MDGA2: variants seen among roughly 807,000 people sequenced by gnomAD.
MDGA2 encodes MAM domain-containing glycosylphosphatidylinositol anchor protein 2.
Under a neutral mutation model 117.8 loss-of-function variants are expected in MDGA2, and 40 were observed. The ratio of observed to expected loss-of-function variants is 0.34; its 90% CI spans 0.26 to 0.44. The LOEUF (loss-of-function observed/expected upper bound fraction) is 0.44. Among genes scored for constraint, MDGA2 ranks in the 20% least tolerant of loss-of-function variants. The pLI, the probability that MDGA2 is intolerant of heterozygous loss-of-function variation, is 1.00. For missense variants in MDGA2, 1,123 were observed against 1,250.6 expected (o/e 0.90, Z 1.54); for synonymous variants, 452 against 439.0 (o/e 1.03, Z -0.37).
intron 1 of MDGA2, among the ~76,000 whole-genome samples, chr14:47,649,385 T>C (rs573712543): frequency 4.3e-4 from 65 of 152,348 alleles, no homozygotes; most frequent in Non-Finnish European, 8.1e-4. Context: ...AAGTGCTTTA[T>C]GTATAAATGG....
At chr14:47,474,472 A>G (rs1029659496) in intron 1 of MDGA2, among the ~76,000 whole-genome samples, 23 of 150,650 alleles carry the variant, frequency 1.5e-4, no homozygotes, top group Admixed American at 1.4e-3. Context: ...CCAGAATTAG[A>G]AAAAAAAAGC....
chr14:47,044,510 A>G (rs764276096), intron 7 of MDGA2, among the ~76,000 whole-genome samples: 49 of 152,122 alleles, frequency 3.2e-4, no homozygotes, highest in Non-Finnish European at 4.0e-4. Flanking sequence ...CCTGTGTGTA[A>G]ATGTTTCCTA....
chr14:47,398,849 T>C (rs1892072570), intron 1 of MDGA2, among the ~76,000 whole-genome samples: 1 of 152,196 alleles, frequency 6.6e-6, no homozygotes, highest in Non-Finnish European at 1.5e-5. Context: ...AGATACAATT[T>C]AGTATTTAAC....
chr14:46,855,095 A>G lies in MDGA2; in HGVS notation c.2812T>C (p.Ser938Pro). 1 of 1,611,000 alleles carries G rather than the reference A, an allele frequency of 6.2e-7. No homozygotes were observed. ...CTTTGTCCTTTATTCCCACTTGAAG[A>G]CCACAGTGGATTCTCTATTGTTGTT... ...GQTTIENPLW[S>P]SSGNKGQRWN... The change falls in exon 15 of 17, where the codon TCT becomes CCT. Residue 938 changes from serine to proline, a missense_variant. Coordinates refer to ENST00000399232, the MANE Select transcript of MDGA2 (RefSeq NM_001113498.3). This position sits in a 1 kb window ranked among gnomAD's most constrained non-coding sequence, Gnocchi z 4.1.
At chr14:47,545,819 G>A (rs546010647) in intron 1 of MDGA2, among the ~76,000 whole-genome samples, 20 of 152,108 alleles carry the variant, frequency 1.3e-4, no homozygotes, top group Middle Eastern at 3.2e-3. Flanking sequence ...GTGTGGGGGC[G>A]TGAAAGCAAT....
chr14:47,624,402 G>A (rs1018848095), intron 1 of MDGA2, among the ~76,000 whole-genome samples: 1 of 152,104 alleles, frequency 6.6e-6, no homozygotes, highest in African/African-American at 2.4e-5. Flanking sequence ...AGGTTGCAGC[G>A]AGCTGAGATC....
At chr14:47,247,772 C>G (rs1887296726) in intron 2 of MDGA2, among the ~76,000 whole-genome samples, 1 of 151,120 alleles carries the variant, frequency 6.6e-6, no homozygotes, top group South Asian at 2.1e-4. Context: ...AGGTATTTCT[C>G]CTAATACTAA....
chr14:47,126,159 G>T (rs1555355736), intron 5 of MDGA2, among the ~76,000 whole-genome samples: 1 of 151,906 alleles, frequency 6.6e-6, no homozygotes, highest in Non-Finnish European at 1.5e-5. Context: ...AATCAAGGGA[G>T]TATATATTCA....
chr14:47,203,299 A>G (rs1216610320), intron 3 of MDGA2, among the ~76,000 whole-genome samples: 1 of 151,864 alleles, frequency 6.6e-6, no homozygotes, highest in Admixed American at 6.6e-5. Context: ...GGGCTTAGAG[A>G]AGGGGGATGC....
intron 3 of MDGA2, among the ~76,000 whole-genome samples, chr14:47,199,993 A>G (rs946726009): frequency 6.9e-6 from 1 of 145,322 alleles, no homozygotes; most frequent in African/African-American, 2.6e-5. Flanking sequence ...TATGTAAACC[A>G]AATGCAATGA....
At chr14:47,621,741 A>C (rs995652531) in intron 1 of MDGA2, among the ~76,000 whole-genome samples, 1 of 152,236 alleles carries the variant, frequency 6.6e-6, no homozygotes, top group Non-Finnish European at 1.5e-5. Flanking sequence ...CCTAAGAAGG[A>C]CTAAGACATA....
chr14:47,098,116 G>A (rs944644831), intron 5 of MDGA2, among the ~76,000 whole-genome samples: 2 of 151,728 alleles, frequency 1.3e-5, no homozygotes, highest in Non-Finnish European at 2.9e-5. Flanking sequence ...TGTATTATAT[G>A]AAATCAATCT....
At chr14:47,008,290 A>G (rs1279453902) in intron 8 of MDGA2, among the ~76,000 whole-genome samples, 2 of 151,902 alleles carry the variant, frequency 1.3e-5, no homozygotes, top group Non-Finnish European at 2.9e-5. Flanking sequence ...ACAATTTCAA[A>G]GCTAAAGGTG....
At chr14:47,251,185 T>C (rs370423071) in intron 2 of MDGA2, among the ~76,000 whole-genome samples, 170 of 152,334 alleles carry the variant, frequency 1.1e-3, no homozygotes, top group Middle Eastern at 6.8e-3. Context: ...TGTCCTAGAA[T>C]TCTTCATTGC....
intron 1 of MDGA2, among the ~76,000 whole-genome samples, chr14:47,636,224 A>T (rs1162051749): frequency 6.6e-6 from 1 of 152,206 alleles, no homozygotes; most frequent in Non-Finnish European, 1.5e-5. Context: ...ATATATCTTC[A>T]TAAGGTATAA....
chr14:46,959,281 G>A (rs1023683113), intron 8 of MDGA2, among the ~76,000 whole-genome samples: 6 of 144,226 alleles, frequency 4.2e-5, no homozygotes, highest in African/African-American at 1.7e-4. Context: ...GTGTGTGTGT[G>A]TGTGTGTGTG....
At position 46,920,140 on chromosome 14, in the gene MDGA2, A is replaced by G; in HGVS notation, c.2110T>C (p.Phe704Leu). 1 of 1,608,668 alleles carries G rather than the reference A, an allele frequency of 6.2e-7. No individual in the cohort carries two copies. ...ACTGGATTGTAGGTATCATAATAGA[A>G]TTCTGGAGCATAGGCCTTTCCTGAA... The part of the protein sequence containing the change: ...LVTGKAYAPE[F>L]YYDTYNPVWQ... Residue 704 changes from phenylalanine (F) to leucine (L), a missense_variant, in exon 10 of 17, where the codon TTC becomes CTC. Transcript: ENST00000399232.
At chr14:47,465,948 T>C (rs1462184867) in intron 1 of MDGA2, among the ~76,000 whole-genome samples, 2 of 151,560 alleles carry the variant, frequency 1.3e-5, no homozygotes, top group African/African-American at 4.8e-5. Flanking sequence ...CAATGACAGA[T>C]TGTACAAGGT....
At chr14:47,465,539 C>T (rs1373393986) in intron 1 of MDGA2, among the ~76,000 whole-genome samples, 1 of 151,958 alleles carries the variant, frequency 6.6e-6, no homozygotes, top group Non-Finnish European at 1.5e-5. Context: ...ACATACATTT[C>T]AAAAGAAGAC....
Sources: allele counts gnomAD v4.1 joint callset (sites outside exome capture counted in the v4.1 genomes callset), GRCh38; gene constraint gnomAD v4.1.1; non-coding constraint Gnocchi (gnomAD v3.1); transcripts MANE v1.5; gene names NCBI Gene and HGNC (gene_info 2026-07-23, HGNC 2026-07-21).